ARHGAP26: variants seen among roughly 807,000 people sequenced by gnomAD.
ARHGAP26 encodes rho GTPase-activating protein 26.
A neutral mutation model predicts 104.8 loss-of-function variants in ARHGAP26; 38 were observed. That is an observed-to-expected ratio of 0.36 (90% CI 0.28 to 0.48). The LOEUF (loss-of-function observed/expected upper bound fraction) is 0.48. Among genes scored for constraint, ARHGAP26 ranks in the 20% least tolerant of loss-of-function variants. ARHGAP26 has a pLI of 0.99. For missense variants in ARHGAP26, 704 were observed against 947.9 expected, an observed-to-expected ratio of 0.74 and a Z score of 3.38; for synonymous variants, 341 against 340.0, an observed-to-expected ratio of 1.00 and a Z score of -0.03.
Position 143,220,415 on chromosome 5 carries a change from G to A in ARHGAP26, c.2192-1943G>A, listed in dbSNP as rs10038512. Among the ~76,000 whole-genome samples the A allele has an allele frequency of 4.3e-3, 662 of 152,304 alleles. 6 individuals carry two copies. The highest frequency in any genetic ancestry group is 0.014 in the African/African-American group (599 of 41,560). ...TTTGCTCTGTGCCTGGCTCTGTGCC[G>A]AGTGCTTTATCCACACCAGCTCCTT... On this transcript the variant is annotated intron_variant, in intron 22 of 22. Coordinates refer to ENST00000645722, the MANE Select transcript of ARHGAP26 (RefSeq NM_001135608.3).
In ARHGAP26 at chr5:143,224,402, G is replaced by C. The variant is rs1811496494; in HGVS notation, c.*1956G>C. Reference sequence around the variant, plus strand: ...CTTTATGTGTTTTTAAGCATCCCTTGGGCTTTGGATTTGGAGATGGGAAGA... The same window carrying C: ...CTTTATGTGTTTTTAAGCATCCCTTCGGCTTTGGATTTGGAGATGGGAAGA... On this transcript the variant is annotated 3_prime_UTR_variant, in exon 23 of 23. Transcript: ENST00000645722. The C allele has an allele frequency of 4.4e-6, 1 of 229,158 alleles. No homozygotes were observed. The highest frequency in any genetic ancestry group is 6.2e-5 in the East Asian group (1 of 16,110). The allele number at this position is 229,158 out of a possible 1,614,324, so 14.2% of individuals were successfully genotyped here.
chr5:142,802,934 A>C (rs1762339928), intron 1 of ARHGAP26, among the ~76,000 whole-genome samples: 1 of 152,192 alleles, frequency 6.6e-6, no homozygotes, highest in Non-Finnish European at 1.5e-5. Context: ...GGGCTCATTC[A>C]AGGATTCAGT....
intron 12 of ARHGAP26, among the ~76,000 whole-genome samples, chr5:143,035,135 T>C (rs6896844): frequency 0.26 from 40,092 of 152,186 alleles, 9,804 homozygotes; most frequent in African/African-American, 0.65. Flanking sequence ...AATAAGTATG[T>C]ATGTAAGTAT....
intron 21 of ARHGAP26, among the ~76,000 whole-genome samples, chr5:143,212,440 C>G (rs1809618293): frequency 6.6e-6 from 1 of 151,878 alleles, no homozygotes; most frequent in Non-Finnish European, 1.5e-5. Flanking sequence ...AATACATAGA[C>G]TCGGTTTCTT....
intron 17 of ARHGAP26, among the ~76,000 whole-genome samples, chr5:143,093,200 A>G (rs755625019): frequency 9.9e-5 from 15 of 151,992 alleles, no homozygotes; most frequent in East Asian, 9.7e-4. Context: ...TGTGCTCACA[A>G]TGAGGTTTCC....
intron 20 of ARHGAP26, among the ~76,000 whole-genome samples, chr5:143,204,228 A>G (rs1462951330): frequency 6.6e-6 from 1 of 152,210 alleles, no homozygotes; most frequent in African/African-American, 2.4e-5. Flanking sequence ...CTGTTGTTAA[A>G]AATTGCATTT....
chr5:143,034,165 C>T (rs1188451982), intron 12 of ARHGAP26, among the ~76,000 whole-genome samples: 2 of 152,136 alleles, frequency 1.3e-5, no homozygotes, highest in Non-Finnish European at 2.9e-5. Context: ...AAAACTGGTG[C>T]AGCTGCTTAG....
chr5:143,141,545 T>C (rs1798540856), intron 19 of ARHGAP26, among the ~76,000 whole-genome samples: 1 of 152,220 alleles, frequency 6.6e-6, no homozygotes, highest in Non-Finnish European at 1.5e-5. Context: ...TTTTAAGTTA[T>C]TAAAAACAAA....
intron 13 of ARHGAP26, among the ~76,000 whole-genome samples, chr5:143,040,044 C>T (rs990923756): frequency 6.6e-6 from 1 of 152,098 alleles, no homozygotes; most frequent in African/African-American, 2.4e-5. Context: ...AACAGACTTC[C>T]CATACTCTCT....
chr5:143,006,274 G>C (rs918716009), intron 11 of ARHGAP26, among the ~76,000 whole-genome samples: 2 of 151,044 alleles, frequency 1.3e-5, no homozygotes, highest in African/African-American at 4.9e-5. Flanking sequence ...TTTCTGTCTG[G>C]CCAATGCATT....
At chr5:142,903,093 C>A (rs1274659376) in intron 7 of ARHGAP26, among the ~76,000 whole-genome samples, 1 of 152,170 alleles carries the variant, frequency 6.6e-6, no homozygotes, top group Non-Finnish European at 1.5e-5. Flanking sequence ...GCAGGCTGAC[C>A]TTGAGTGAAG....
chr5:142,890,830 C>T (rs1223270678), intron 5 of ARHGAP26, among the ~76,000 whole-genome samples: 2 of 152,164 alleles, frequency 1.3e-5, no homozygotes, highest in Non-Finnish European at 2.9e-5. Flanking sequence ...TTATCTCCAT[C>T]TTCTAAAGAA....
intron 11 of ARHGAP26, among the ~76,000 whole-genome samples, chr5:143,007,930 T>G (rs1318771807): frequency 2.0e-5 from 3 of 152,224 alleles, no homozygotes; most frequent in Non-Finnish European, 4.4e-5. Context: ...TTATATTACA[T>G]TGCCAACAAG....
chr5:142,857,089 C>T (rs1036207021), intron 1 of ARHGAP26, among the ~76,000 whole-genome samples: 5 of 152,180 alleles, frequency 3.3e-5, no homozygotes, highest in African/African-American at 9.7e-5. Flanking sequence ...CTCCCTCCAT[C>T]TTCACAGGGC....
At chr5:142,942,828 T>C (rs1766560039) in intron 11 of ARHGAP26, among the ~76,000 whole-genome samples, 1 of 152,204 alleles carries the variant, frequency 6.6e-6, no homozygotes, top group Non-Finnish European at 1.5e-5. Context: ...TTGCCCATGC[T>C]GGAGTGCAGT....
chr5:143,019,848 CAG>C (rs1021406215), intron 12 of ARHGAP26, among the ~76,000 whole-genome samples: 1 of 152,210 alleles, frequency 6.6e-6, no homozygotes, highest in Non-Finnish European at 1.5e-5. Flanking sequence ...CAGATTGAGG[CAG>C]AGAGGGCTCA....
chr5:142,842,566 G>A (rs1423158728), intron 1 of ARHGAP26, among the ~76,000 whole-genome samples: 3 of 152,314 alleles, frequency 2.0e-5, no homozygotes, highest in East Asian at 3.9e-4. Flanking sequence ...TGTCGGGAAG[G>A]ACTAGGAGAA....
At position 143,224,073 on chromosome 5, in the gene ARHGAP26, A is replaced by G. The variant is rs1405897891; in HGVS notation, c.*1627A>G. 8 of 230,670 alleles carry G rather than the reference A, an allele frequency of 3.5e-5. No individual in the cohort carries two copies. The highest frequency in any genetic ancestry group is 6.9e-5 in the Non-Finnish European group (8 of 116,464). The allele number at this position is 230,670 out of a possible 1,614,324, so 14.3% of individuals were successfully genotyped here. A position where few individuals can be genotyped will look rare whatever the true frequency, so the allele number is the denominator to read the frequency against. On this transcript the variant is annotated 3_prime_UTR_variant, in exon 23 of 23. Coordinates refer to ENST00000645722, the MANE Select transcript of ARHGAP26 (RefSeq NM_001135608.3). The stretch of plus-strand genomic sequence containing the variant: ...TAGGGAACTTTAAAGAAGAAAAGAA[A>G]AACTTGAATTGTGTTGAATTACTGT...
intron 17 of ARHGAP26, among the ~76,000 whole-genome samples, chr5:143,116,802 C>G (rs1259051934): frequency 6.6e-6 from 1 of 152,218 alleles, no homozygotes; most frequent in Admixed American, 6.5e-5. Context: ...ATGGAACATG[C>G]TCTTTCCTCA....
Sources: gnomAD v4.1 joint callset for allele counts (sites outside exome capture counted in the v4.1 genomes callset) on GRCh38, gnomAD v4.1.1 for gene constraint, MANE v1.5 for transcripts, NCBI Gene and HGNC (gene_info 2026-07-23, HGNC 2026-07-21) for gene names.